MAPK15: variants seen among roughly 807,000 people sequenced by gnomAD.
MAPK15 encodes the protein mitogen-activated protein kinase 15, also known as ERK-7.
Under a neutral mutation model 60.8 loss-of-function variants are expected in MAPK15, and 61 were observed. The ratio of observed to expected loss-of-function variants is 1.00; its 90% CI spans 0.82 to 1.24. The LOEUF (loss-of-function observed/expected upper bound fraction) is 1.24, where lower values mean the gene tolerates loss of function less well. Ranked by LOEUF, MAPK15 falls within the 50% of genes most tolerant of loss-of-function variation. The pLI is 0.00. For synonymous variants in MAPK15, 356 were observed against 319.9 expected, an observed-to-expected ratio of 1.11 and a Z score of -1.21; for missense variants, 808 against 741.1, an observed-to-expected ratio of 1.09 and a Z score of -1.05.
rs539454285 is a variant in MAPK15 at position 143,716,548 on chromosome 8, A to G, written c.66+105A>G. On this transcript the variant is annotated intron_variant, in intron 1 of 13. Transcript: ENST00000338033. ...CCCTCGGAGGCCTGTTCCGTCACAC[A>G]CTGGCGTCCTGCCTCCTCCGTAGGC... The G allele has an allele frequency of 9.9e-6, 10 of 1,011,240 alleles. 1 individual carries two copies. The South Asian group carries it at 1.7e-4, about 17-fold the overall frequency. 62.6% of individuals were successfully genotyped at this position (1,011,240 alleles called of 1,614,324 possible).
chr8:143,721,606 C>T lies in MAPK15; in HGVS notation c.1262C>T (p.Thr421Ile). 1 of 1,613,086 alleles carries T rather than the reference C, an allele frequency of 6.2e-7. No individual in the cohort carries two copies. The highest frequency in any genetic ancestry group is 1.1e-5 in the South Asian group (1 of 90,910). ...CAGAACTCCGCTCCCCTGCTCCAAA[C>T]TGCTCTCCTAGGGAATGGGGAAAGG... ...PRQNSAPLLQ[T>I]ALLGNGERPP... Residue 421 changes from threonine to isoleucine, a missense_variant, in exon 12 of 14, where the codon ACT becomes ATT. Physicochemically the swap from Thr to Ile is moderately conservative, Grantham distance 89. Transcript: ENST00000338033.
Position 143,722,338 on chromosome 8 carries a change from T to A in MAPK15, c.*87T>A. The A allele has an allele frequency of 8.0e-7, 1 of 1,247,822 alleles. No individual in the cohort carries two copies. 77.3% of individuals were successfully genotyped at this position (1,247,822 alleles called of 1,614,324 possible). Reference sequence around the variant, plus strand: ...TCCAGTCTCCTGCACCCCTTAGCCCTCCCTGCTTTGCCTGGCCCGTTGAAG... The same window carrying A: ...TCCAGTCTCCTGCACCCCTTAGCCCACCCTGCTTTGCCTGGCCCGTTGAAG... On this transcript the variant is annotated 3_prime_UTR_variant, in exon 14 of 14. Coordinates refer to ENST00000338033, the MANE Select transcript of MAPK15 (RefSeq NM_139021.3).
In MAPK15 at chr8:143,720,555, G is replaced by T; in HGVS notation, c.780-148G>T. 1 of 1,469,562 alleles carries T rather than the reference G, an allele frequency of 6.8e-7. No individual in the cohort carries two copies. 91.0% of individuals were successfully genotyped at this position (1,469,562 alleles called of 1,614,324 possible). A position where few individuals can be genotyped will look rare whatever the true frequency, so the allele number is the denominator to read the frequency against. On this transcript the variant is annotated intron_variant, in intron 8 of 13. Transcript: ENST00000338033. This position sits in a 1 kb window ranked among gnomAD's most constrained non-coding sequence, Gnocchi z 4.6. ...GGTCTCTCCACCCTGCAGGGGCCCA[G>T]ACTGCCTGCAGGTCAGGCACAGGGG...
intron 4 of MAPK15, 77 bp downstream of exon 4, chr8:143,718,379 C>A: frequency 7.5e-7 from 1 of 1,338,126 alleles, no homozygotes; most frequent in Non-Finnish European, 1.1e-6. Context: ...CTCTGCGTGT[C>A]CCCCTGCGTG....
In MAPK15 at chr8:143,720,231, C is replaced by T; in HGVS notation, c.723C>T (p.Asp241=). The part of the protein sequence containing the change: ...LETIPPPSEE[D]LLALGSGCRA... ...TCACACCACCTTCTGCTGCCCCAGA[C>T]CTCCTGGCTCTCGGCTCAGGCTGCC... Residue 241 remains aspartate (D), a splice_region_variant and synonymous_variant, in exon 8 of 14, where the codon GAC becomes GAT. Coordinates refer to ENST00000338033, the MANE Select transcript of MAPK15 (RefSeq NM_139021.3). The surrounding 1 kb of genome is among the most constrained non-coding windows in gnomAD (Gnocchi z 4.6). 1.9e-6 allele frequency: 3 copies of T among 1,575,838 alleles called. No individual in the cohort carries two copies. The highest frequency in any genetic ancestry group is 1.2e-5 in the South Asian group (1 of 85,916).
chr8:143,721,044 G>A lies in MAPK15; in HGVS notation c.962G>A (p.Arg321Gln), dbSNP rs374324527. 8 of 1,611,976 alleles carry A rather than the reference G, an allele frequency of 5.0e-6. No homozygotes were observed. Among genetic ancestry groups the A allele is most frequent in the East Asian group, 2.2e-5 (1 of 44,834 alleles). The change falls in exon 10 of 14, where the codon CGG becomes CAG. Residue 321 changes from arginine (R) to glutamine (Q), a missense_variant. Arg to Gln is a conservative substitution (Grantham distance 43). Coordinates refer to ENST00000338033, the MANE Select transcript of MAPK15 (RefSeq NM_139021.3). Reference protein sequence around the residue: ...SDEWAREADVRPRAHEGVQLS... With the variant: ...SDEWAREADVQPRAHEGVQLS... ...GAGTGGGCACGAGAGGCAGATGTGC[G>A]GCCCCGGGCACACGAAGGGGTCCAG...
chr8:143,721,791 TC>T lies in MAPK15; in HGVS notation c.1372del (p.Gln458ArgfsTer11), dbSNP rs1382513192. The T allele has an allele frequency of 6.2e-7, 1 of 1,613,014 alleles. No homozygotes were observed. Among genetic ancestry groups the T allele is most frequent in the Non-Finnish European group, 8.5e-7 (1 of 1,179,750 alleles). ...GAGGGGAGCTGCGCCCTCCCTGACCTCCCAGGCTGCGGCTCAGGTGGCCAAC... is the reference window on the plus strand; with the variant it reads ...GAGGGGAGCTGCGCCCTCCCTGACCTCCAGGCTGCGGCTCAGGTGGCCAAC... Reference protein sequence around the residue: ...SGRGAAPSLTSQAAAQVANQA... With the variant: ...SGRGAAPSLTXQAAAQVANQA... On this transcript the variant is annotated frameshift_variant, in exon 13 of 14. Transcript: ENST00000338033. LOFTEE classifies it high-confidence loss of function.
chr8:143,719,537 G>A, intron 7 of MAPK15, 55 bp downstream of exon 7: 1 of 1,573,090 alleles, frequency 6.4e-7, no homozygotes, highest in South Asian at 1.2e-5. Context: ...AGACAGCACA[G>A]CTGTGGGGAG....
rs1554618790 is a variant in MAPK15, at chr8:143,718,203, TC to T, written c.196-8del. ...CTGGCCTTCCAGCCGCCTCCGACTCTCTCCCCAGGAGTTTGGGGACCATCCC... is the reference window on the plus strand; with the variant it reads ...CTGGCCTTCCAGCCGCCTCCGACTCTTCCCCAGGAGTTTGGGGACCATCCC... On this transcript the variant is annotated splice_polypyrimidine_tract_variant and splice_region_variant and intron_variant, in intron 3 of 13. Transcript: ENST00000338033. 6.2e-7 allele frequency: 1 copy of T among 1,613,828 alleles called. No homozygotes were observed. Among genetic ancestry groups the T allele is most frequent in the African/African-American group, 1.3e-5 (1 of 75,016 alleles).
rs1554618339 is a variant in MAPK15 at position 143,716,387 on chromosome 8, G to A, written c.10G>A (p.Val4Ile). 10 of 1,604,552 alleles carry A rather than the reference G, an allele frequency of 6.2e-6. No homozygotes were observed. Among genetic ancestry groups the A allele is most frequent in the Non-Finnish European group, 7.6e-6 (9 of 1,176,686 alleles). The change falls in exon 1 of 14, where the codon GTA becomes ATA. Residue 4 changes from valine (V) to isoleucine (I), a missense_variant. By Grantham distance (29) the Val-to-Ile change is conservative. Transcript: ENST00000338033. Reference sequence around the variant, plus strand: ...GGGCGTCCTGGCCGCCATGTGCACCGTAGTGGACCCTCGCATTGTCCGGAG... The same window carrying A: ...GGGCGTCCTGGCCGCCATGTGCACCATAGTGGACCCTCGCATTGTCCGGAG... The part of the protein sequence containing the change: MCT[V>I]VDPRIVRRYL...
At position 143,718,862 on chromosome 8, in the gene MAPK15, C is replaced by A. The variant is rs1554619045; in HGVS notation, c.374C>A (p.Thr125Asn). 1 of 1,611,838 alleles carries A rather than the reference C, an allele frequency of 6.2e-7. No homozygotes were observed. Among genetic ancestry groups the A allele is most frequent in the South Asian group, 1.1e-5 (1 of 90,886 alleles). Residue 125 changes from threonine (T) to asparagine (N), a missense_variant, in exon 5 of 14, where the codon ACC becomes AAC. Physicochemically the swap from Thr to Asn is moderately conservative, Grantham distance 65 (BLOSUM62 0). Coordinates refer to ENST00000338033, the MANE Select transcript of MAPK15 (RefSeq NM_139021.3). ...ATCTTCTACCAGCTCCTGCGGGCCA[C>A]CCGGTTCCTCCACTCGGGGCACGTT... ...RSIFYQLLRA[T>N]RFLHSGHVVH... is the part of the protein sequence containing the mutation.
chr8:143,718,653 G>C, intron 4 of MAPK15, 122 bp from the exon 5 acceptor site: 1 of 852,558 alleles, frequency 1.2e-6, no homozygotes. Flanking sequence ...ATGGAGGAGC[G>C]GGGCGGCCAG....
intron 1 of MAPK15, among the ~76,000 whole-genome samples, chr8:143,717,353 A>G (rs1563747397): frequency 6.6e-6 from 1 of 152,070 alleles, no homozygotes; most frequent in Non-Finnish European, 1.5e-5. Flanking sequence ...GGTAGGGCCA[A>G]TGGGATTGGG....
rs782212355 is a variant in MAPK15, at chr8:143,720,973, G to A, written c.918-27G>A. ...TGAGGGGCTCCCTTGGCCGCAGCCC[G>A]GGCCCCACCTCCCTGGCTCCCTGCA... On this transcript the variant is annotated intron_variant, in intron 9 of 13. Transcript: ENST00000338033. The surrounding 1 kb of genome is among the most constrained non-coding windows in gnomAD (Gnocchi z 4.6). 2.3e-5 allele frequency: 37 copies of A among 1,595,192 alleles called. No individual in the cohort carries two copies. The highest frequency in any genetic ancestry group is 4.5e-5 in the East Asian group (2 of 44,376).
chr8:143,720,381 A>G lies in MAPK15; in HGVS notation c.779+94A>G. On this transcript the variant is annotated intron_variant, in intron 8 of 13. Coordinates refer to ENST00000338033, the MANE Select transcript of MAPK15 (RefSeq NM_139021.3). This position sits in a 1 kb window ranked among gnomAD's most constrained non-coding sequence, Gnocchi z 4.6. ...AAGTTTACTGGGGCCAGTTTGTACC[A>G]GTTCAGATTCTGCCTGTTTTCAAGA... is the stretch of plus-strand genomic sequence containing the variant. 2 of 1,458,682 alleles carry G rather than the reference A, an allele frequency of 1.4e-6. No individual in the cohort carries two copies. Among genetic ancestry groups the G allele is most frequent in the African/African-American group, 1.4e-5 (1 of 70,172 alleles). 90.4% of individuals were successfully genotyped at this position (1,458,682 alleles called of 1,614,324 possible).
rs782347920 is a variant in MAPK15 at position 143,719,095 on chromosome 8, G to A, written c.520G>A (p.Val174Met). 4.0e-5 allele frequency: 62 copies of A among 1,567,474 alleles called. No homozygotes were observed. The highest frequency in any genetic ancestry group is 1.7e-4 in the East Asian group (7 of 41,768). Reference sequence around the variant, plus strand: ...CCCCGAGGGGCCTGAGGACCAGGCCGTGACAGAGTACGTGGCCACACGCTG... The same window carrying A: ...CCCCGAGGGGCCTGAGGACCAGGCCATGACAGAGTACGTGGCCACACGCTG... ...DLPEGPEDQA[V>M]TEYVATRWYR... Residue 174 changes from valine (V) to methionine (M), a missense_variant, in exon 6 of 14, where the codon GTG (valine) becomes ATG (methionine). Val to Met is a conservative substitution (Grantham distance 21). Coordinates refer to ENST00000338033, the MANE Select transcript of MAPK15 (RefSeq NM_139021.3).
intron 4 of MAPK15, 48 bp from the exon 5 acceptor site, chr8:143,718,727 G>GGGGGGCCCCC: frequency 1.9e-6 from 1 of 514,520 alleles, no homozygotes; most frequent in Non-Finnish European, 3.2e-6. Flanking sequence ...CCCCCAGGTT[G>GGGGGGCCCCC]CCCCCCCAGC....
In MAPK15 at chr8:143,721,559, T is replaced by C. The variant is rs782502498; in HGVS notation, c.1215T>C (p.Arg405=). 1 of 1,613,618 alleles carries C rather than the reference T, an allele frequency of 6.2e-7. No individual in the cohort carries two copies. Among genetic ancestry groups the C allele is most frequent in the African/African-American group, 1.3e-5 (1 of 74,918 alleles). The change falls in exon 12 of 14, where the codon CGT becomes CGC. Residue 405 remains arginine, a synonymous_variant. Coordinates refer to ENST00000338033, the MANE Select transcript of MAPK15 (RefSeq NM_139021.3). The stretch of plus-strand genomic sequence containing the variant: ...CCACTGACCCCACAGAGTCCCCCCG[T>C]GCAGCCAAGAACGTTCCCAGGCAGA... ...GHDPAEHESP[R]AAKNVPRQNS...
Position 143,720,020 on chromosome 8 carries a change from C to T in MAPK15, c.722-210C>T, listed in dbSNP as rs1162115139. On this transcript the variant is annotated intron_variant, in intron 7 of 13. Coordinates refer to ENST00000338033, the MANE Select transcript of MAPK15 (RefSeq NM_139021.3). The surrounding 1 kb of genome is among the most constrained non-coding windows in gnomAD (Gnocchi z 4.6). ...TGAGCACACCCCAGGGCCAGGTGCC[C>T]GAGTGTGGAGCAGGGGTCATGTGCG... 1.3e-5 allele frequency among the ~76,000 whole-genome samples: 2 copies of T among 152,052 alleles called. No homozygotes were observed. The highest frequency in any genetic ancestry group is 1.9e-4 in the East Asian group (1 of 5,168).
Sources: allele counts gnomAD v4.1 joint callset (sites outside exome capture counted in the v4.1 genomes callset), GRCh38; gene constraint gnomAD v4.1.1; non-coding constraint Gnocchi (gnomAD v3.1); transcripts MANE v1.5; gene names NCBI Gene and HGNC (gene_info 2026-07-23, HGNC 2026-07-21).